ZBTB11: variants seen among roughly 807,000 people sequenced by gnomAD.
ZBTB11 encodes zinc finger and BTB domain-containing protein 11.
ZBTB11 carries 68 observed loss-of-function variants against 113.1 expected under a neutral mutation model. The observed-to-expected ratio is 0.60, with a 90% CI of 0.49 to 0.74. The LOEUF (loss-of-function observed/expected upper bound fraction) is 0.74. Ranked by LOEUF, ZBTB11 falls within the 30% of genes least tolerant of loss-of-function variation. The pLI is 0.00. For synonymous variants in ZBTB11, 518 were observed against 452.6 expected (o/e 1.14, Z -1.83); for missense variants, 1,104 against 1,279.4 (o/e 0.86, Z 2.09).
chr3:101,676,461 C>T, intron 1 of ZBTB11, 144 bp downstream of exon 1: 1 of 849,388 alleles, frequency 1.2e-6, no homozygotes, highest in Non-Finnish European at 1.7e-6. Context: ...GCGTCCCCCA[C>T]CCTCTCGGCT....
In ZBTB11 at chr3:101,656,263, G is replaced by C; in HGVS notation, c.2047-15C>G. 1 of 1,408,424 alleles carries C rather than the reference G, an allele frequency of 7.1e-7. No homozygotes were observed. The highest frequency in any genetic ancestry group is 1.8e-5 in the South Asian group (1 of 54,252). The allele number at this position is 1,408,424 out of a possible 1,614,324, so 87.2% of individuals were successfully genotyped here. A position where few individuals can be genotyped will look rare whatever the true frequency, so the allele number is the denominator to read the frequency against. On this transcript the variant is annotated splice_polypyrimidine_tract_variant and intron_variant, in intron 6 of 10. Coordinates refer to ENST00000312938, the MANE Select transcript of ZBTB11 (RefSeq NM_014415.4). The stretch of plus-strand genomic sequence containing the variant: ...TTTCCACAGACCTAAGATAGAACAG[G>C]GGTGATTAAGTCAATAAAACAAAAA...
Position 101,676,933 on chromosome 3 carries a change from G to C in ZBTB11, c.-19C>G, listed in dbSNP as rs776507640. 1.3e-6 allele frequency: 2 copies of C among 1,546,330 alleles called. No individual in the cohort carries two copies. The highest frequency in any genetic ancestry group is 1.2e-5 in the South Asian group (1 of 82,326). ...TTGACATCGCGGACCGCGGCTCCCTGAGGGCGCCTGTCAGGGACAGGTGAG... is the reference window on the plus strand; with the variant it reads ...TTGACATCGCGGACCGCGGCTCCCTCAGGGCGCCTGTCAGGGACAGGTGAG... On this transcript the variant is annotated 5_prime_UTR_variant, in exon 1 of 11. Transcript: ENST00000312938.
In ZBTB11 at chr3:101,651,127, T is replaced by C. The variant is rs1413637850; in HGVS notation, c.*39A>G. The stretch of plus-strand genomic sequence containing the variant: ...AAACAAATGTTCTGTGAGTTCAGTG[T>C]ACAAGAGATGTCACTTCTTTTTATC... On this transcript the variant is annotated 3_prime_UTR_variant, in exon 11 of 11. Transcript: ENST00000312938. 3 of 1,532,248 alleles carry C rather than the reference T, an allele frequency of 2.0e-6. No homozygotes were observed. In the African/African-American group the frequency reaches 4.1e-5, roughly 21 times the overall value. The allele number at this position is 1,532,248 out of a possible 1,614,324, so 94.9% of individuals were successfully genotyped here.
chr3:101,652,388 T>C (rs1169675051), intron 10 of ZBTB11, 108 bp downstream of exon 10: 2 of 1,101,824 alleles, frequency 1.8e-6, no homozygotes, highest in Admixed American at 2.5e-5. Context: ...TGAATAAAGA[T>C]ATGAAATTAA....
intron 1 of ZBTB11, among the ~76,000 whole-genome samples, chr3:101,674,034 G>GTTT (rs34193191): frequency 0.037 from 5,105 of 139,640 alleles, 371 homozygotes; most frequent in African/African-American, 0.12. Context: ...CACAGAGACT[G>GTTT]TTTTTTTTTT....
chr3:101,652,352 T>TCA (rs1936718952), intron 10 of ZBTB11, 144 bp downstream of exon 10: 1 of 730,058 alleles, frequency 1.4e-6, no homozygotes, highest in Admixed American at 3.0e-5. Context: ...AATTAGGTAC[T>TCA]CAGGTTCAGG....
chr3:101,666,682 T>C (rs1937001752), intron 3 of ZBTB11, among the ~76,000 whole-genome samples: 1 of 152,210 alleles, frequency 6.6e-6, no homozygotes, highest in Non-Finnish European at 1.5e-5. Context: ...ATAACCAGAA[T>C]GATTAAGAAT....
intron 3 of ZBTB11, among the ~76,000 whole-genome samples, chr3:101,670,080 A>T (rs563842479): frequency 3.9e-5 from 6 of 152,292 alleles, no homozygotes; most frequent in African/African-American, 1.2e-4. Flanking sequence ...CGCCTGCCTC[A>T]GCCTCCCAAA....
intron 5 of ZBTB11, among the ~76,000 whole-genome samples, chr3:101,664,017 C>T (rs1321449542): frequency 6.6e-6 from 1 of 152,216 alleles, no homozygotes; most frequent in East Asian, 1.9e-4. Context: ...CAGTACTCCC[C>T]AGTGGAGTTA....
In ZBTB11 at chr3:101,651,091, C is replaced by T. The variant is rs1021000669; in HGVS notation, c.*75G>A. ...TATGTAAACTCCAAGCAGACAGTCACACAGAATTGTAAACAAATGTTCTGT... is the reference window on the plus strand; with the variant it reads ...TATGTAAACTCCAAGCAGACAGTCATACAGAATTGTAAACAAATGTTCTGT... On this transcript the variant is annotated 3_prime_UTR_variant, in exon 11 of 11. Coordinates refer to ENST00000312938, the MANE Select transcript of ZBTB11 (RefSeq NM_014415.4). 6.1e-5 allele frequency: 90 copies of T among 1,472,702 alleles called. No individual in the cohort carries two copies. The highest frequency in any genetic ancestry group is 2.5e-4 in the Middle Eastern group (1 of 3,938). The allele number at this position is 1,472,702 out of a possible 1,614,324, so 91.2% of individuals were successfully genotyped here. A position where few individuals can be genotyped will look rare whatever the true frequency, so the allele number is the denominator to read the frequency against.
intron 3 of ZBTB11, among the ~76,000 whole-genome samples, chr3:101,668,516 C>G: frequency 6.6e-6 from 1 of 151,602 alleles, no homozygotes; most frequent in Admixed American, 6.6e-5. Context: ...GTGGTCCCAC[C>G]TACACGGGAG....
intron 3 of ZBTB11, among the ~76,000 whole-genome samples, chr3:101,667,737 C>T (rs1189642148): frequency 6.6e-6 from 1 of 152,096 alleles, no homozygotes; most frequent in South Asian, 2.1e-4. Flanking sequence ...TCTTGGCTCA[C>T]TGCAACCTCT....
chr3:101,670,336 A>G (rs1423711231), intron 3 of ZBTB11, among the ~76,000 whole-genome samples: 3 of 152,252 alleles, frequency 2.0e-5, no homozygotes, highest in African/African-American at 7.2e-5. Context: ...CAAGTTTTAT[A>G]TGATGAGAAA....
chr3:101,657,447 A>C (rs1936818519), intron 6 of ZBTB11, among the ~76,000 whole-genome samples: 1 of 150,898 alleles, frequency 6.6e-6, no homozygotes. Context: ...TGGAGGTTGC[A>C]GTGAACTGAG....
Position 101,651,401 on chromosome 3 carries a change from T to G in ZBTB11, c.2927A>C (p.Glu976Ala). The change falls in exon 11 of 11, where the codon GAA (glutamate) becomes GCA (alanine). Residue 976 changes from glutamate to alanine, a missense_variant. By Grantham distance (107) the Glu-to-Ala change is moderately radical (BLOSUM62 -1). This residue lies in a region of ZBTB11 where 90 missense variants were observed against 98.0 expected (regional missense o/e 0.92). Coordinates refer to ENST00000312938, the MANE Select transcript of ZBTB11 (RefSeq NM_014415.4). ...SILTAGMQEQESSGPQELETV... is the reference protein window; with the variant it reads ...SILTAGMQEQASSGPQELETV... ...CTCAAGTTCTTGAGGACCACTGCTT[T>G]CTTGTTCCTGCATGCCTGCTGTTAA... is the stretch of plus-strand genomic sequence containing the variant. The G allele has an allele frequency of 6.2e-7, 1 of 1,614,114 alleles. No homozygotes were observed. The highest frequency in any genetic ancestry group is 2.2e-5 in the East Asian group (1 of 44,890).
chr3:101,668,247 C>T (rs1381390711), intron 3 of ZBTB11, among the ~76,000 whole-genome samples: 1 of 151,812 alleles, frequency 6.6e-6, no homozygotes, highest in Admixed American at 6.6e-5. Flanking sequence ...TTAATAGATA[C>T]AAAATTACAG....
In ZBTB11 at chr3:101,659,776, G is replaced by A. The variant is rs778958175; in HGVS notation, c.2046+7C>T. The stretch of plus-strand genomic sequence containing the variant: ...TTTAAATAGCAAAATAAACGTTATA[G>A]CTTTACCTGGCATGCATGTGGCTTT... On this transcript the variant is annotated splice_region_variant and intron_variant, in intron 6 of 10. Transcript: ENST00000312938. The A allele has an allele frequency of 7.4e-6, 12 of 1,613,724 alleles. No homozygotes were observed. In the Admixed American group the frequency reaches 2.0e-4, roughly 27 times the overall value.
In ZBTB11 at chr3:101,659,985, T is replaced by C. The variant is rs1289150040; in HGVS notation, c.1844A>G (p.His615Arg). Residue 615 changes from histidine to arginine, a missense_variant, in exon 6 of 11, where the codon CAT (histidine) becomes CGT (arginine). Physicochemically the swap from His to Arg is conservative, Grantham distance 29. This residue lies in a region of ZBTB11 where 535 missense variants were observed against 518.6 expected (regional missense o/e 1.03). Transcript: ENST00000312938. ...ATCTTTTCTGGTATGACGAATAAGA[T>C]GTGCTCGCAAAGAGGCACTGTACTG... ...QFQYSASLRA[H>R]LIRHTRKDAP... 6.2e-7 allele frequency: 1 copy of C among 1,614,072 alleles called. No individual in the cohort carries two copies. Among genetic ancestry groups the C allele is most frequent in the Non-Finnish European group, 8.5e-7 (1 of 1,180,028 alleles).
chr3:101,652,975 A>ATTCCT, intron 8 of ZBTB11, 37 bp from the exon 9 acceptor site: 1 of 1,567,978 alleles, frequency 6.4e-7, no homozygotes, highest in Non-Finnish European at 8.6e-7. Flanking sequence ...GGATAATCTT[A>ATTCCT]TTCCTTTAAA....
Sources: allele counts gnomAD v4.1 joint callset (sites outside exome capture counted in the v4.1 genomes callset), GRCh38; gene constraint gnomAD v4.1.1; regional missense constraint gnomAD v4.1.1; transcripts MANE v1.5; gene names NCBI Gene and HGNC (gene_info 2026-07-23, HGNC 2026-07-21).